Variants in CHD5 observed in about 807,000 individuals in gnomAD.
CHD5 encodes ATP-dependent chromatin remodeler CHD5.
Under a neutral mutation model 230.3 loss-of-function variants are expected in CHD5, and 69 were observed. That is an observed-to-expected ratio of 0.30 (90% CI 0.25 to 0.37). The LOEUF is 0.37. Among genes scored for constraint, CHD5 ranks in the 10% least tolerant of loss-of-function variants. The pLI is 1.00. For missense variants in CHD5, 1,827 were observed against 2,622.8 expected (o/e 0.70, Z 6.63); for synonymous variants, 1,064 against 1,065.9 (o/e 1.00, Z 0.03).
Position 6,128,016 on chromosome 1 carries a change from T to C in CHD5, c.3903+30A>G. 1 of 1,539,030 alleles carries C rather than the reference T, an allele frequency of 6.5e-7. No homozygotes were observed. Among genetic ancestry groups the C allele is most frequent in the Non-Finnish European group, 8.8e-7 (1 of 1,140,652 alleles). Reference sequence around the variant, plus strand: ...CGGGGCTGCGGATGGAGGGCGGGGCTGCGGATGGAGGGCGGGCCGGGGACC... The same window carrying C: ...CGGGGCTGCGGATGGAGGGCGGGGCCGCGGATGGAGGGCGGGCCGGGGACC... On this transcript the variant is annotated intron_variant, in intron 25 of 41. Transcript: ENST00000262450. This position sits in a 1 kb window ranked among gnomAD's most constrained non-coding sequence, Gnocchi z 7.8.
intron 2 of CHD5, among the ~76,000 whole-genome samples, chr1:6,160,644 T>G (rs902617635): frequency 6.6e-6 from 1 of 152,286 alleles, no homozygotes; most frequent in Non-Finnish European, 1.5e-5. Context: ...GTTTTCTCCA[T>G]GTGCGGACTC....
At chr1:6,136,483 C>G (rs1666748663) in intron 17 of CHD5, 34 bp downstream of exon 17, 1 of 1,608,476 alleles carries the variant, frequency 6.2e-7, no homozygotes, top group African/African-American at 1.3e-5. Context: ...CCCAGCCCCA[C>G]CACCACCTCC....
Position 6,154,989 on chromosome 1 carries a change from G to GCC in CHD5, c.507-92_507-91insGG. ...GGCAGGGCCCACCCCTCTGCCACATGTGCGATCTATGGCAGCAGCCCCAGG... is the reference window on the plus strand; with the variant it reads ...GGCAGGGCCCACCCCTCTGCCACATGCCTGCGATCTATGGCAGCAGCCCCAGG... On this transcript the variant is annotated intron_variant, in intron 4 of 41. Coordinates refer to ENST00000262450, the MANE Select transcript of CHD5 (RefSeq NM_015557.3). The surrounding 1 kb of genome is among the most constrained non-coding windows in gnomAD (Gnocchi z 7.0). 8.7e-7 allele frequency: 1 copy of GCC among 1,147,620 alleles called. No individual in the cohort carries two copies. The highest frequency in any genetic ancestry group is 1.3e-6 in the Non-Finnish European group (1 of 796,374). The allele number at this position is 1,147,620 out of a possible 1,614,324, so 71.1% of individuals were successfully genotyped here.
chr1:6,150,833 T>C (rs956005395), intron 7 of CHD5, among the ~76,000 whole-genome samples, 199 bp downstream of exon 7: 1 of 152,084 alleles, frequency 6.6e-6, no homozygotes, highest in Non-Finnish European at 1.5e-5. Flanking sequence ...CCCCAGACAG[T>C]AGAAACCAGG....
chr1:6,161,069 T>C (rs555774218), intron 2 of CHD5, among the ~76,000 whole-genome samples: 1 of 150,386 alleles, frequency 6.6e-6, no homozygotes, highest in Non-Finnish European at 1.5e-5. Flanking sequence ...ACCGGAGAGA[T>C]AAAAAATGAG....
In CHD5 at chr1:6,152,399, C is replaced by T. The variant is rs368434964; in HGVS notation, c.870+13G>A. ...GCAAATGCACACACACGCGCACACACGCACACACTCACCGAGGAGCCTTTC... is the reference window on the plus strand; with the variant it reads ...GCAAATGCACACACACGCGCACACATGCACACACTCACCGAGGAGCCTTTC... On this transcript the variant is annotated intron_variant, in intron 6 of 41. Transcript: ENST00000262450. The T allele has an allele frequency of 3.4e-5, 55 of 1,610,888 alleles. 1 individual carries two copies. The highest frequency in any genetic ancestry group is 3.1e-4 in the African/African-American group (23 of 74,904).
chr1:6,124,174 G>C, intron 30 of CHD5, 67 bp from the exon 31 acceptor site: 1 of 1,434,260 alleles, frequency 7.0e-7, no homozygotes, highest in Non-Finnish European at 9.6e-7. Context: ...AGCCCTAAGG[G>C]CCTCAGGGCA....
At chr1:6,138,044 C>A (rs1034606611) in intron 15 of CHD5, among the ~76,000 whole-genome samples, 1 of 152,150 alleles carries the variant, frequency 6.6e-6, no homozygotes, top group Admixed American at 6.5e-5. Flanking sequence ...TGCACTCTCC[C>A]GGTGAGGATC....
At position 6,142,600 on chromosome 1, in the gene CHD5, C is replaced by T. The variant is rs560298201; in HGVS notation, c.2049G>A (p.Thr683=). The T allele has an allele frequency of 1.6e-5, 25 of 1,610,708 alleles. No individual in the cohort carries two copies. In the Admixed American group the frequency reaches 2.5e-4, roughly 16 times the overall value. Residue 683 remains threonine (T), a synonymous_variant, in exon 14 of 42, where the codon ACG becomes ACA. Coordinates refer to ENST00000262450, the MANE Select transcript of CHD5 (RefSeq NM_015557.3). This position sits in a 1 kb window ranked among gnomAD's most constrained non-coding sequence, Gnocchi z 5.2. ...ACCATGGCTGCTTGTCGAACTTGAC[C>T]GTGGGCTGCAGGGGAGGCAGCGGTT... The part of the protein sequence containing the change: ...KPPDTPIVDP[T]VKFDKQPWYI...
At chr1:6,108,859 AG>A (rs961426843) in intron 38 of CHD5, among the ~76,000 whole-genome samples, 5 of 126,566 alleles carry the variant, frequency 4.0e-5, no homozygotes, top group African/African-American at 1.5e-4. Context: ...AGAGGGATGG[AG>A]GGGTGGAAGG....
At position 6,110,448 on chromosome 1, in the gene CHD5, G is replaced by A. The variant is rs761936020; in HGVS notation, c.5328C>T (p.Val1776=). 1 of 1,614,068 alleles carries A rather than the reference G, an allele frequency of 6.2e-7. No homozygotes were observed. Among genetic ancestry groups the A allele is most frequent in the South Asian group, 1.1e-5 (1 of 91,084 alleles). Reference sequence around the variant, plus strand: ...TCATCTCCAGGTAGTTGCCCTTGTGGACCTCAGACTTGAAGGGCTCGTTGA... The same window carrying A: ...TCATCTCCAGGTAGTTGCCCTTGTGAACCTCAGACTTGAAGGGCTCGTTGA... The part of the protein sequence containing the change: ...MILNEPFKSE[V]HKGNYLEMKN... The change falls in exon 37 of 42, where the codon GTC becomes GTT. Residue 1776 remains valine (V), a synonymous_variant. Transcript: ENST00000262450.
chr1:6,114,532 G>GAT (rs373484591), intron 33 of CHD5, among the ~76,000 whole-genome samples: 126 of 149,628 alleles, frequency 8.4e-4, no homozygotes, highest in African/African-American at 1.5e-3. Context: ...ATTTTTTTGT[G>GAT]ATATATATAT....
At chr1:6,179,639 G>A (rs1349365792) in intron 1 of CHD5, among the ~76,000 whole-genome samples, 2 of 149,912 alleles carry the variant, frequency 1.3e-5, no homozygotes, top group African/African-American at 4.9e-5. Flanking sequence ...GACCCTGACA[G>A]CGCCGCGCCC....
intron 3 of CHD5, among the ~76,000 whole-genome samples, chr1:6,158,988 C>A: frequency 9.8e-6 from 1 of 101,676 alleles, no homozygotes; most frequent in Non-Finnish European, 1.8e-5. Context: ...GCCTGGGCGA[C>A]AGAGCGAGAC....
At chr1:6,114,859 C>CA (rs1416586556) in intron 33 of CHD5, among the ~76,000 whole-genome samples, 1 of 151,942 alleles carries the variant, frequency 6.6e-6, no homozygotes, top group Non-Finnish European at 1.5e-5. Flanking sequence ...ACTAAAAATA[C>CA]AAAAATTAGG....
chr1:6,168,507 G>C (rs1193330659), intron 1 of CHD5, among the ~76,000 whole-genome samples: 1 of 152,224 alleles, frequency 6.6e-6, no homozygotes, highest in African/African-American at 2.4e-5. Flanking sequence ...TCCCTCCTCT[G>C]TAAATGGGAC....
intron 33 of CHD5, among the ~76,000 whole-genome samples, chr1:6,114,275 C>T (rs1336109086): frequency 6.6e-6 from 1 of 151,120 alleles, no homozygotes; most frequent in Non-Finnish European, 1.5e-5. Context: ...AATCACAATT[C>T]CTGATGAGGA....
intron 2 of CHD5, among the ~76,000 whole-genome samples, chr1:6,159,740 G>A (rs1322204452): frequency 6.6e-6 from 1 of 152,222 alleles, no homozygotes; most frequent in East Asian, 1.9e-4. Flanking sequence ...CAGGGTCTAC[G>A]CCACAGGAAG....
intron 1 of CHD5, among the ~76,000 whole-genome samples, chr1:6,178,164 AC>A (rs1055325063): frequency 9.2e-5 from 14 of 151,858 alleles, no homozygotes; most frequent in Non-Finnish European, 2.1e-4. Context: ...CTCTGGGGGC[AC>A]TCCTGGAGGC....
Sources: gnomAD v4.1 joint callset for allele counts (sites outside exome capture counted in the v4.1 genomes callset) on GRCh38, gnomAD v4.1.1 for gene constraint, Gnocchi (gnomAD v3.1) non-coding constraint, MANE v1.5 for transcripts, NCBI Gene and HGNC (gene_info 2026-07-23, HGNC 2026-07-21) for gene names.